SLC17A1: variants seen among roughly 807,000 people sequenced by gnomAD.
The protein encoded by SLC17A1 is solute carrier family 17 member 1.
A neutral mutation model predicts 53.5 loss-of-function variants in SLC17A1; 51 were observed. The ratio of observed to expected loss-of-function variants is 0.95; its 90% confidence interval spans 0.76 to 1.20. SLC17A1 has a LOEUF of 1.20. Ranked by LOEUF, SLC17A1 falls within the 50% of genes most tolerant of loss-of-function variation. The pLI is 0.00. For synonymous variants in SLC17A1, 179 were observed against 198.8 expected, an observed-to-expected ratio of 0.90 and a Z score of 0.84; for missense variants, 538 against 568.2, an observed-to-expected ratio of 0.95 and a Z score of 0.54.
rs1433319458 is a variant in SLC17A1, at chr6:25,783,086, C to T, written c.*135G>A. The T allele has an allele frequency of 2.6e-5, 4 of 152,082 alleles. No homozygotes were observed. Among genetic ancestry groups the T allele is most frequent in the Admixed American group, 1.3e-4 (2 of 15,262 alleles). 9.4% of individuals were successfully genotyped at this position (152,082 alleles called of 1,614,324 possible). On this transcript the variant is annotated 3_prime_UTR_variant, in exon 13 of 13. Transcript: ENST00000244527. ...ACACAGGATATGTGGGAGGGTAAAA[C>T]TGGCCCCTAGGACTCCTCCTACCAC...
At chr6:25,756,564 G>A in the SLC17A1 span, among the ~76,000 whole-genome samples, 3 of 152,022 alleles carry the variant, frequency 2.0e-5, no homozygotes, top group Non-Finnish European at 4.4e-5. Context: ...CCTGCATCAC[G>A]CTGTCCCCAC....
the SLC17A1 span, among the ~76,000 whole-genome samples, chr6:25,741,723 A>T: frequency 6.6e-6 from 1 of 152,052 alleles, no homozygotes; most frequent in Non-Finnish European, 1.5e-5. Flanking sequence ...CTCAAAAACA[A>T]CAGCAAAAAT....
chr6:25,819,218 G>A, intron 5 of SLC17A1, 64 bp from the exon 6 acceptor site: 1 of 1,148,368 alleles, frequency 8.7e-7, no homozygotes, highest in Non-Finnish European at 1.3e-6. Flanking sequence ...AGATAATGTA[G>A]CCTCACTGTA....
At chr6:25,795,292 T>C (rs1763580871) in intron 12 of SLC17A1, among the ~76,000 whole-genome samples, 1 of 152,106 alleles carries the variant, frequency 6.6e-6, no homozygotes, top group Non-Finnish European at 1.5e-5. Context: ...AGAATTAGCC[T>C]GAACTAAAGA....
chr6:25,776,721 G>A, the SLC17A1 span: 638,772 of 1,613,594 alleles, frequency 0.4, 133,531 homozygotes, highest in South Asian at 0.45. Flanking sequence ...ACTCTTCACT[G>A]CCATTGGTAA....
chr6:25,762,853 T>G, the SLC17A1 span, among the ~76,000 whole-genome samples: 1 of 152,186 alleles, frequency 6.6e-6, no homozygotes, highest in African/African-American at 2.4e-5. Flanking sequence ...TCTCATCTGT[T>G]TCTAAGGATT....
chr6:25,758,653 A>C, the SLC17A1 span, among the ~76,000 whole-genome samples: 1 of 152,108 alleles, frequency 6.6e-6, no homozygotes, highest in African/African-American at 2.4e-5. Flanking sequence ...GTTTTGTTTC[A>C]AATTGAGCTT....
chr6:25,770,240 G>A, the SLC17A1 span: 2 of 1,614,044 alleles, frequency 1.2e-6, no homozygotes, highest in Non-Finnish European at 1.7e-6. Flanking sequence ...TCATTCCACT[G>A]GCAGCTAATG....
At chr6:25,765,229 A>G in the SLC17A1 span, among the ~76,000 whole-genome samples, 2 of 152,374 alleles carry the variant, frequency 1.3e-5, no homozygotes, top group Admixed American at 1.3e-4. Flanking sequence ...CACTTATGAA[A>G]GATAACAGTT....
At chr6:25,804,162 G>A (rs1339159703) in intron 10 of SLC17A1, among the ~76,000 whole-genome samples, 2 of 152,086 alleles carry the variant, frequency 1.3e-5, no homozygotes, top group African/African-American at 2.4e-5. Context: ...TGGTGGCTAT[G>A]AACAACAATG....
At chr6:25,749,520 C>T in the SLC17A1 span, among the ~76,000 whole-genome samples, 1 of 152,306 alleles carries the variant, frequency 6.6e-6, no homozygotes, top group East Asian at 1.9e-4. Flanking sequence ...GAAAATAAAA[C>T]TCAATACAAG....
At chr6:25,817,077 G>A (rs182606781) in intron 6 of SLC17A1, among the ~76,000 whole-genome samples, 1 of 152,148 alleles carries the variant, frequency 6.6e-6, no homozygotes, top group African/African-American at 2.4e-5. Context: ...CCGAACTCCT[G>A]ACTTTAGGTT....
At chr6:25,810,679 G>A (rs1047361878) in intron 10 of SLC17A1, among the ~76,000 whole-genome samples, 3 of 152,060 alleles carry the variant, frequency 2.0e-5, no homozygotes, top group East Asian at 1.9e-4. Flanking sequence ...CAGCTGTTAC[G>A]GAAAACAGTA....
chr6:25,784,055 T>G (rs1409273975), intron 12 of SLC17A1, among the ~76,000 whole-genome samples: 1 of 152,156 alleles, frequency 6.6e-6, no homozygotes, highest in African/African-American at 2.4e-5. Flanking sequence ...CACACTATCT[T>G]TCCTTTGTAT....
intron 10 of SLC17A1, among the ~76,000 whole-genome samples, chr6:25,805,003 A>G (rs1247448340): frequency 6.6e-6 from 1 of 152,104 alleles, no homozygotes; most frequent in African/African-American, 2.4e-5. Context: ...CAAAGAAACA[A>G]TAAACTTAAA....
At chr6:25,728,689 C>T in the SLC17A1 span, among the ~76,000 whole-genome samples, 1 of 152,144 alleles carries the variant, frequency 6.6e-6, no homozygotes, top group African/African-American at 2.4e-5. Context: ...TGGCACGTTC[C>T]TGTAATTGCA....
At chr6:25,727,801 T>C in the SLC17A1 span, among the ~76,000 whole-genome samples, 148,665 of 152,026 alleles carry the variant, frequency 0.98, 72,769 homozygotes, top group East Asian at 1. Flanking sequence ...TGGCGGTTCA[T>C]GAGGTTAAGA....
At chr6:25,818,831 C>A (rs1267073981) in intron 6 of SLC17A1, among the ~76,000 whole-genome samples, 1 of 152,134 alleles carries the variant, frequency 6.6e-6, no homozygotes, top group African/African-American at 2.4e-5. Flanking sequence ...GCATATGCAT[C>A]TATATCGCCT....
intron 12 of SLC17A1, among the ~76,000 whole-genome samples, chr6:25,783,717 T>A (rs1763317325): frequency 1.3e-5 from 2 of 152,112 alleles, no homozygotes; most frequent in African/African-American, 4.8e-5. Context: ...GTTACCAAAT[T>A]CCCATTCTTT....
Sources: gnomAD v4.1 joint callset for allele counts (sites outside exome capture counted in the v4.1 genomes callset) on GRCh38, gnomAD v4.1.1 for gene constraint, MANE v1.5 for transcripts, NCBI Gene and HGNC (gene_info 2026-07-23, HGNC 2026-07-21) for gene names.